Variants in C5orf47 observed in about 807,000 individuals in gnomAD.
The protein encoded by C5orf47 is uncharacterized protein C5orf47.
A neutral mutation model predicts 20.6 loss-of-function variants in C5orf47; 20 were observed. The ratio of observed to expected loss-of-function variants is 0.97; its 90% CI spans 0.68 to 1.41. C5orf47 has a LOEUF of 1.41. Among genes scored for constraint, C5orf47 ranks in the 40% most tolerant of loss-of-function variants. The pLI, the probability that C5orf47 is intolerant of heterozygous loss-of-function variation, is 0.00. For synonymous variants in C5orf47, 106 were observed against 97.3 expected (o/e 1.09, Z -0.53); for missense variants, 262 against 238.4 (o/e 1.10, Z -0.65).
intron 1 of C5orf47, among the ~76,000 whole-genome samples, chr5:173,996,968 G>A (rs7719944): frequency 0.16 from 24,009 of 152,146 alleles, 2,470 homozygotes; most frequent in African/African-American, 0.29. Context: ...TGCTATGTCT[G>A]TATGTCTGTG....
intron 4 of C5orf47, among the ~76,000 whole-genome samples, chr5:174,003,376 G>A (rs1000359588): frequency 1.3e-5 from 2 of 152,144 alleles, no homozygotes; most frequent in Non-Finnish European, 2.9e-5. Context: ...AGAGGAGATA[G>A]ATGATCAGGT....
At chr5:173,992,699 A>G (rs1243974558) in intron 1 of C5orf47, among the ~76,000 whole-genome samples, 2 of 151,868 alleles carry the variant, frequency 1.3e-5, no homozygotes, top group South Asian at 2.1e-4. Context: ...GTAATTTTTA[A>G]CTCTTTTCCA....
At chr5:174,007,427 A>C (rs567333229), downstream of C5orf47, among the ~76,000 whole-genome samples, 1 of 152,196 alleles carries the variant, frequency 6.6e-6, no homozygotes, top group Non-Finnish European at 1.5e-5. Context: ...GAGCAGGAGC[A>C]TGGTATATAG....
downstream of C5orf47, among the ~76,000 whole-genome samples, chr5:174,007,055 C>G (rs1487698380): frequency 6.7e-6 from 1 of 149,570 alleles, no homozygotes; most frequent in Non-Finnish European, 1.5e-5. Flanking sequence ...CTGAGACTCT[C>G]ACAGTGGGCC....
downstream of C5orf47, among the ~76,000 whole-genome samples, chr5:174,008,646 C>T (rs1373016609): frequency 1.3e-5 from 2 of 152,108 alleles, no homozygotes; most frequent in Non-Finnish European, 1.5e-5. Flanking sequence ...TCTTGGCTAA[C>T]ACGGTGAAAC....
intron 1 of C5orf47, among the ~76,000 whole-genome samples, chr5:173,994,744 T>G (rs1473738439): frequency 1.3e-5 from 2 of 152,324 alleles, no homozygotes; most frequent in East Asian, 1.9e-4. Flanking sequence ...TGGGGTAGAC[T>G]TATGTTTAAA....
rs574180500 is a variant in C5orf47, at chr5:173,990,684, C to T, written c.325+1096C>T. ...AAATCTTGACCTCAGGTGATCCACCCGCCTCAGCCTCCCAAAGTGTTGGGA... is the reference window on the plus strand; with the variant it reads ...AAATCTTGACCTCAGGTGATCCACCTGCCTCAGCCTCCCAAAGTGTTGGGA... On this transcript the variant is annotated intron_variant, in intron 1 of 4. Coordinates refer to ENST00000340147, the MANE Select transcript of C5orf47 (RefSeq NM_001144954.2). Among the ~76,000 whole-genome samples the T allele has an allele frequency of 6.1e-5, 9 of 147,524 alleles. 1 individual carries two copies. In the East Asian group the frequency reaches 1.7e-3, roughly 28 times the overall value.
At chr5:173,996,654 C>T (rs1759104526) in intron 1 of C5orf47, among the ~76,000 whole-genome samples, 1 of 152,132 alleles carries the variant, frequency 6.6e-6, no homozygotes, top group Admixed American at 6.5e-5. Context: ...CACATTTTCC[C>T]TTTTAACTAA....
At chr5:173,993,591 C>T (rs1446519976) in intron 1 of C5orf47, among the ~76,000 whole-genome samples, 2 of 152,138 alleles carry the variant, frequency 1.3e-5, no homozygotes, top group Non-Finnish European at 2.9e-5. Context: ...TTGCAGTGAG[C>T]TGAGATCGTG....
intron 4 of C5orf47, among the ~76,000 whole-genome samples, chr5:174,003,480 T>C (rs1349592373): frequency 1.3e-5 from 2 of 152,172 alleles, no homozygotes; most frequent in African/African-American, 4.8e-5. Flanking sequence ...AGTTTTACTT[T>C]TGGCATGTTG....
At chr5:173,995,280 T>C (rs1412391020) in intron 1 of C5orf47, among the ~76,000 whole-genome samples, 1 of 152,222 alleles carries the variant, frequency 6.6e-6, no homozygotes, top group South Asian at 2.1e-4. Context: ...GAGGGACTTA[T>C]TAATTAATGA....
rs1759286510 is a variant in C5orf47, at chr5:174,005,983, G to GTT, written c.*1730_*1731dup. On this transcript the variant is annotated 3_prime_UTR_variant, in exon 5 of 5. Coordinates refer to ENST00000340147, the MANE Select transcript of C5orf47 (RefSeq NM_001144954.2). ...GTTTAATAATTTCTGGTGAATATGT[G>GTT]TTCAATCTGTTATGTTAAATAGAAT... 2 of 152,186 alleles carry GTT rather than the reference G, an allele frequency of 1.3e-5. No homozygotes were observed. The highest frequency in any genetic ancestry group is 4.1e-4 in the South Asian group (2 of 4,822). 9.4% of individuals were successfully genotyped at this position (152,186 alleles called of 1,614,324 possible).
downstream of C5orf47, among the ~76,000 whole-genome samples, chr5:174,007,232 T>C (rs1284344193): frequency 6.6e-6 from 1 of 152,114 alleles, no homozygotes; most frequent in Non-Finnish European, 1.5e-5. Flanking sequence ...AACTGCCTCC[T>C]TTCTCCCAGC....
chr5:174,001,159 C>T, intron 3 of C5orf47, 37 bp from the exon 4 acceptor site: 2 of 1,451,482 alleles, frequency 1.4e-6, no homozygotes, highest in South Asian at 2.5e-5. Context: ...TGCTAGAGGC[C>T]AACTTAAATT....
At chr5:173,996,298 A>G (rs887638002) in intron 1 of C5orf47, among the ~76,000 whole-genome samples, 2 of 152,240 alleles carry the variant, frequency 1.3e-5, no homozygotes, top group Admixed American at 1.3e-4. Context: ...GACAAAATCC[A>G]TGAAATACAC....
chr5:174,007,559 C>CTTTT (rs113925593), downstream of C5orf47, among the ~76,000 whole-genome samples: 133 of 138,916 alleles, frequency 9.6e-4, 2 homozygotes, highest in African/African-American at 1.9e-3. Flanking sequence ...ACTCTCCTAC[C>CTTTT]TTTTTTTTTT....
At chr5:173,996,157 TAGG>T (rs1759093830) in intron 1 of C5orf47, among the ~76,000 whole-genome samples, 1 of 152,092 alleles carries the variant, frequency 6.6e-6, no homozygotes, top group Non-Finnish European at 1.5e-5. Flanking sequence ...GGGGCTGAGA[TAGG>T]AGAATTAGGT....
At chr5:174,008,268 A>C (rs1759322581), downstream of C5orf47, among the ~76,000 whole-genome samples, 1 of 152,208 alleles carries the variant, frequency 6.6e-6, no homozygotes, top group African/African-American at 2.4e-5. Flanking sequence ...TCATCTAGGA[A>C]TATTGATCCG....
chr5:174,001,308 A>G (rs972275948), intron 4 of C5orf47, 77 bp downstream of exon 4: 55 of 800,392 alleles, frequency 6.9e-5, no homozygotes, highest in Non-Finnish European at 1.1e-4. Flanking sequence ...TTCTCCAAAC[A>G]TTAGTGTATA....
Sources: allele counts gnomAD v4.1 joint callset (sites outside exome capture counted in the v4.1 genomes callset), GRCh38; gene constraint gnomAD v4.1.1; transcripts MANE v1.5; gene names NCBI Gene and HGNC (gene_info 2026-07-23, HGNC 2026-07-21).